SGCZ: variants seen among roughly 807,000 people sequenced by gnomAD.
The protein encoded by SGCZ is zeta-sarcoglycan.
SGCZ carries 40 observed loss-of-function variants against 41.3 expected under a neutral mutation model. That is an observed-to-expected ratio of 0.97 (90% CI 0.75 to 1.26). The LOEUF is 1.26. Ranked by LOEUF, SGCZ falls within the 50% of genes most tolerant of loss-of-function variation. The pLI, the probability that SGCZ is intolerant of heterozygous loss-of-function variation, is 0.00. For missense variants in SGCZ, 552 were observed against 369.8 expected (o/e 1.49, Z -4.04); for synonymous variants, 206 against 137.5 (o/e 1.50, Z -3.49).
At chr8:14,217,114 T>C (rs193090520) in intron 4 of SGCZ, among the ~76,000 whole-genome samples, 1 of 151,930 alleles carries the variant, frequency 6.6e-6, no homozygotes, top group East Asian at 1.9e-4. Flanking sequence ...AGTTAAACCC[T>C]GTCTATACTA....
intron 1 of SGCZ, among the ~76,000 whole-genome samples, chr8:14,691,909 T>C (rs1808811807): frequency 1.3e-5 from 2 of 152,044 alleles, no homozygotes; most frequent in African/African-American, 2.4e-5. Flanking sequence ...TTTGTATCTA[T>C]ATATTGTGTT....
At chr8:14,975,182 T>C (rs899386841) in intron 1 of SGCZ, among the ~76,000 whole-genome samples, 1 of 152,168 alleles carries the variant, frequency 6.6e-6, no homozygotes, top group Non-Finnish European at 1.5e-5. Context: ...GGCGGCTGCC[T>C]GTAGCCCCAG....
chr8:14,800,122 C>G (rs1801272840), intron 1 of SGCZ, among the ~76,000 whole-genome samples: 1 of 150,686 alleles, frequency 6.6e-6, no homozygotes, highest in Non-Finnish European at 1.5e-5. Context: ...CCAGCATCTA[C>G]ACTTTTTCAA....
At chr8:14,280,981 T>C (rs571506168) in intron 3 of SGCZ, among the ~76,000 whole-genome samples, 83 of 151,940 alleles carry the variant, frequency 5.5e-4, no homozygotes, top group African/African-American at 1.9e-3. Flanking sequence ...CTTTCTGAAA[T>C]GAGGTTGATA....
At chr8:15,204,897 T>C (rs1185435426) in intron 1 of SGCZ, among the ~76,000 whole-genome samples, 1 of 152,196 alleles carries the variant, frequency 6.6e-6, no homozygotes, top group Non-Finnish European at 1.5e-5. Flanking sequence ...CCTAAAAATT[T>C]CACAGACATT....
rs767979164 is a variant in SGCZ at position 14,432,914 on chromosome 8, CAAAAAAAAAAAAA to C, written c.235-108723_235-108711del. Among the ~76,000 whole-genome samples the C allele has an allele frequency of 1.8e-3, 137 of 75,608 alleles. 3 individuals carry two copies. Among genetic ancestry groups the C allele is most frequent in the South Asian group, 8.2e-3 (19 of 2,316 alleles). 49.6% of individuals were successfully genotyped at this position (75,608 alleles called of 152,430 possible). A position where few individuals can be genotyped will look rare whatever the true frequency, so the allele number is the denominator to read the frequency against. ...GGGCAAAAGAGTGAGACTGTGTCTC[CAAAAAAAAAAAAA>C]AAAAAAAAAAAAAAAGCTTACTCAT... On this transcript the variant is annotated intron_variant, in intron 2 of 7. Transcript: ENST00000382080.
intron 1 of SGCZ, among the ~76,000 whole-genome samples, chr8:15,231,904 G>A (rs933491630): frequency 2.0e-5 from 3 of 152,118 alleles, no homozygotes; most frequent in Non-Finnish European, 4.4e-5. Flanking sequence ...TTACAGGCGT[G>A]AGCCACCATG....
At chr8:14,842,420 G>T (rs1802953601) in intron 1 of SGCZ, among the ~76,000 whole-genome samples, 1 of 149,966 alleles carries the variant, frequency 6.7e-6, no homozygotes, top group South Asian at 2.1e-4. Context: ...AGAAAGGATG[G>T]AAAGAAAGGG....
intron 1 of SGCZ, among the ~76,000 whole-genome samples, chr8:15,138,031 G>A (rs899693212): frequency 2.6e-5 from 4 of 152,136 alleles, no homozygotes; most frequent in African/African-American, 7.2e-5. Context: ...AAAGCCACAG[G>A]GGCAGAGCTA....
At chr8:14,444,178 T>A (rs368272546) in intron 2 of SGCZ, among the ~76,000 whole-genome samples, 5,998 of 151,294 alleles carry the variant, frequency 0.04, 183 homozygotes, top group African/African-American at 0.081. Context: ...GCTGGAGAGG[T>A]TGTGGAGAAA....
chr8:14,639,714 A>G (rs1021562916), intron 1 of SGCZ, among the ~76,000 whole-genome samples: 24 of 151,764 alleles, frequency 1.6e-4, no homozygotes, highest in African/African-American at 5.8e-4. Flanking sequence ...AAATGTCCAG[A>G]GCTTTATCAG....
At chr8:14,784,507 T>A (rs1470737175) in intron 1 of SGCZ, among the ~76,000 whole-genome samples, 3 of 152,054 alleles carry the variant, frequency 2.0e-5, no homozygotes, top group African/African-American at 7.2e-5. Context: ...CTCATAATGG[T>A]CTCTGAGTGA....
intron 1 of SGCZ, among the ~76,000 whole-genome samples, chr8:14,948,035 A>G (rs945497140): frequency 1.3e-5 from 2 of 152,162 alleles, no homozygotes; most frequent in Admixed American, 1.3e-4. Flanking sequence ...AAACTTCTTC[A>G]TTATGGAGAA....
chr8:15,004,304 G>A (rs1423178168), intron 1 of SGCZ, among the ~76,000 whole-genome samples: 1 of 152,128 alleles, frequency 6.6e-6, no homozygotes, highest in African/African-American at 2.4e-5. Flanking sequence ...TAGGTAGAAT[G>A]TGCATGCAAC....
chr8:14,711,927 C>A (rs961249507), intron 1 of SGCZ, among the ~76,000 whole-genome samples: 1 of 152,088 alleles, frequency 6.6e-6, no homozygotes, highest in African/African-American at 2.4e-5. Flanking sequence ...TGTAGGCAAA[C>A]CAAAATCCAA....
intron 1 of SGCZ, among the ~76,000 whole-genome samples, chr8:15,181,288 G>A (rs899917840): frequency 6.6e-5 from 10 of 151,422 alleles, no homozygotes; most frequent in African/African-American, 1.2e-4. Flanking sequence ...TCTGCACCTC[G>A]CTCTTCACCT....
At chr8:14,450,033 G>GA (rs930485135) in intron 2 of SGCZ, among the ~76,000 whole-genome samples, 4 of 152,028 alleles carry the variant, frequency 2.6e-5, no homozygotes, top group African/African-American at 7.2e-5. Flanking sequence ...TTACAGAAGA[G>GA]AAAAAAACTG....
intron 1 of SGCZ, among the ~76,000 whole-genome samples, chr8:15,038,362 G>A (rs1803944273): frequency 6.6e-6 from 1 of 152,034 alleles, no homozygotes; most frequent in Non-Finnish European, 1.5e-5. Flanking sequence ...AGGAAAGGAT[G>A]ATCTCTTCAA....
At chr8:15,041,903 C>G (rs1033099537) in intron 1 of SGCZ, among the ~76,000 whole-genome samples, 5 of 152,124 alleles carry the variant, frequency 3.3e-5, no homozygotes, top group African/African-American at 1.2e-4. Flanking sequence ...AGGTCTGGTC[C>G]TGAGTCCTTC....
Sources: allele counts gnomAD v4.1 joint callset (sites outside exome capture counted in the v4.1 genomes callset), GRCh38; gene constraint gnomAD v4.1.1; transcripts MANE v1.5; gene names NCBI Gene and HGNC (gene_info 2026-07-23, HGNC 2026-07-21).